SNTG2: variants seen among roughly 807,000 people sequenced by gnomAD.
SNTG2 encodes the protein gamma-2-syntrophin.
Under a neutral mutation model 70.9 loss-of-function variants are expected in SNTG2, and 74 were observed. That is an observed-to-expected ratio of 1.04 (90% confidence interval 0.86 to 1.27). The LOEUF (loss-of-function observed/expected upper bound fraction) is 1.27. Ranked by LOEUF, SNTG2 falls within the 50% of genes most tolerant of loss-of-function variation. SNTG2 has a pLI of 0.00. For synonymous variants in SNTG2, 278 were observed against 273.8 expected (o/e 1.02, Z -0.15); for missense variants, 717 against 690.7 (o/e 1.04, Z -0.43).
intron 2 of SNTG2, among the ~76,000 whole-genome samples, chr2:1,095,585 T>G (rs1665338587): frequency 6.6e-6 from 1 of 152,184 alleles, no homozygotes; most frequent in African/African-American, 2.4e-5. Context: ...TTCTTGATAT[T>G]TTCTTTGAAA....
chr2:1,321,390 G>T (rs140704769), intron 16 of SNTG2, among the ~76,000 whole-genome samples: 1 of 152,016 alleles, frequency 6.6e-6, no homozygotes, highest in Admixed American at 6.6e-5. Context: ...TGAAAATTAC[G>T]CCTCTGCCAT....
chr2:1,003,458 A>C (rs1238149036), intron 1 of SNTG2, among the ~76,000 whole-genome samples: 1 of 152,188 alleles, frequency 6.6e-6, no homozygotes, highest in African/African-American at 2.4e-5. Flanking sequence ...GGCTTCCATA[A>C]TTAACAGGGA....
intron 1 of SNTG2, among the ~76,000 whole-genome samples, chr2:972,433 A>G (rs7607118): frequency 0.34 from 52,301 of 152,032 alleles, 9,794 homozygotes; most frequent in Middle Eastern, 0.46. Context: ...TGTTTTGTCC[A>G]AAATTAGAGT....
At chr2:1,151,121 G>A (rs1669458591) in intron 6 of SNTG2, among the ~76,000 whole-genome samples, 1 of 152,334 alleles carries the variant, frequency 6.6e-6, no homozygotes, top group East Asian at 1.9e-4. Context: ...ATCAGTGAAA[G>A]TGCATGATTT....
At chr2:1,147,749 A>G (rs4998210) in intron 6 of SNTG2, among the ~76,000 whole-genome samples, 133,813 of 152,240 alleles carry the variant, frequency 0.88, 59,121 homozygotes, top group Non-Finnish European at 0.94. Context: ...AATCTTTGAT[A>G]GTCAACAGAG....
At chr2:966,057 A>G (rs1313966943) in intron 1 of SNTG2, among the ~76,000 whole-genome samples, 1 of 152,076 alleles carries the variant, frequency 6.6e-6, no homozygotes, top group Non-Finnish European at 1.5e-5. Flanking sequence ...TCTCGCCTCC[A>G]TGCATGCCCA....
chr2:1,347,231 G>T (rs1005395763), intron 16 of SNTG2, among the ~76,000 whole-genome samples: 3 of 152,174 alleles, frequency 2.0e-5, no homozygotes, highest in African/African-American at 7.2e-5. Context: ...ACCATAACAG[G>T]TAGGGGGCTT....
chr2:1,231,053 C>T (rs184674353), intron 9 of SNTG2, among the ~76,000 whole-genome samples: 182 of 149,490 alleles, frequency 1.2e-3, no homozygotes, highest in African/African-American at 4.2e-3. Context: ...AGGGTCACTG[C>T]GAGGGTGAAA....
rs180671534 is a variant in SNTG2 at position 1,353,035 on chromosome 2, C to T, written c.1489-14308C>T. Among the ~76,000 whole-genome samples, 303 of 152,260 alleles carry T rather than the reference C, an allele frequency of 2.0e-3. 1 individual carries two copies. The highest frequency in any genetic ancestry group is 7.0e-3 in the African/African-American group (289 of 41,552). On this transcript the variant is annotated intron_variant, in intron 16 of 16. Transcript: ENST00000308624. This position sits in a 1 kb window ranked among gnomAD's most constrained non-coding sequence, Gnocchi z 4.2. Reference sequence around the variant, plus strand: ...ACCTCCCGGCTGCACAGTTGCCCAGCGTGTTCCTGTGCTGTGTCTGGCTCA... The same window carrying T: ...ACCTCCCGGCTGCACAGTTGCCCAGTGTGTTCCTGTGCTGTGTCTGGCTCA...
chr2:1,084,515 C>G (rs888680036), intron 2 of SNTG2, among the ~76,000 whole-genome samples: 2 of 152,170 alleles, frequency 1.3e-5, no homozygotes, highest in South Asian at 4.1e-4. Flanking sequence ...GGCGAAGGCT[C>G]TGGGATGGGG....
At chr2:1,342,167 G>T (rs1660138128) in intron 16 of SNTG2, among the ~76,000 whole-genome samples, 1 of 152,180 alleles carries the variant, frequency 6.6e-6, no homozygotes, top group Admixed American at 6.5e-5. Context: ...AAGACCTCAG[G>T]GCAGGGATCT....
At chr2:1,106,607 T>C (rs62107410) in intron 4 of SNTG2, among the ~76,000 whole-genome samples, 2,136 of 67,032 alleles carry the variant, frequency 0.032, 130 homozygotes, top group African/African-American at 0.098. Context: ...TGCTGTCACT[T>C]GGGTGCAGGG....
chr2:1,110,140 T>A (rs1666346734), intron 4 of SNTG2, among the ~76,000 whole-genome samples: 1 of 152,110 alleles, frequency 6.6e-6, no homozygotes, highest in Admixed American at 6.5e-5. Context: ...GTCCCAAAGC[T>A]CCCTGTTCAG....
rs565515812 is a variant in SNTG2, at chr2:962,603, A to G, written c.72+11535A>G. Among the ~76,000 whole-genome samples the G allele has an allele frequency of 4.1e-4, 63 of 152,338 alleles. No homozygotes were observed. The South Asian group carries it at 7.9e-3, about 19-fold the overall frequency. ...TATCCATGGTACAAATAGAATCAAC[A>G]TATTTCTTGATTATGCCTGTCTTTG... On this transcript the variant is annotated intron_variant, in intron 1 of 16. Transcript: ENST00000308624.
At chr2:1,015,204 C>A (rs1006397197) in intron 1 of SNTG2, among the ~76,000 whole-genome samples, 7 of 152,014 alleles carry the variant, frequency 4.6e-5, no homozygotes, top group Non-Finnish European at 1.5e-5. Flanking sequence ...GCAGCTGGGA[C>A]CATGTTGGTG....
At chr2:1,130,563 TA>T (rs1667954537) in intron 4 of SNTG2, among the ~76,000 whole-genome samples, 1 of 152,224 alleles carries the variant, frequency 6.6e-6, no homozygotes, top group East Asian at 1.9e-4. Flanking sequence ...GAACTCCATC[TA>T]GATGGCTTGT....
At chr2:1,152,253 C>A (rs1669548615) in intron 6 of SNTG2, among the ~76,000 whole-genome samples, 1 of 152,210 alleles carries the variant, frequency 6.6e-6, no homozygotes, top group South Asian at 2.1e-4. Flanking sequence ...ATCTACCACT[C>A]TTATTTCAGG....
intron 12 of SNTG2, among the ~76,000 whole-genome samples, chr2:1,251,626 GCACACACACCACACAAACCC>G (rs943621603): frequency 4.7e-5 from 4 of 84,802 alleles, no homozygotes; most frequent in African/African-American, 1.9e-4. Context: ...CACACACACC[GCACACACACCACACAAACCC>G]CACACACACC....
chr2:1,017,363 A>C (rs1299803694), intron 1 of SNTG2, among the ~76,000 whole-genome samples: 1 of 152,242 alleles, frequency 6.6e-6, no homozygotes, highest in African/African-American at 2.4e-5. Flanking sequence ...TTATATACAC[A>C]CATGCAGACA....
Sources: gnomAD v4.1 joint callset for allele counts (sites outside exome capture counted in the v4.1 genomes callset) on GRCh38, gnomAD v4.1.1 for gene constraint, Gnocchi (gnomAD v3.1) non-coding constraint, MANE v1.5 for transcripts, NCBI Gene and HGNC (gene_info 2026-07-23, HGNC 2026-07-21) for gene names.